Variants in AP3B2 observed in about 807,000 individuals in gnomAD.
The protein encoded by AP3B2 is AP-3 complex subunit beta-2.
In AP3B2, 50 loss-of-function variants were observed where a neutral mutation model predicts 126.9. The observed-to-expected ratio is 0.39, with a 90% CI of 0.31 to 0.50. The LOEUF (loss-of-function observed/expected upper bound fraction) is 0.50. Among genes scored for constraint, AP3B2 ranks in the 20% least tolerant of loss-of-function variants. The pLI is 0.79. For missense variants in AP3B2, 1,177 were observed against 1,426.4 expected (o/e 0.83, Z 2.82); for synonymous variants, 541 against 565.0 (o/e 0.96, Z 0.60).
chr15:82,677,818 A>G lies in AP3B2; in HGVS notation c.1246-15T>C. 6.3e-7 allele frequency: 1 copy of G among 1,578,368 alleles called. No homozygotes were observed. The highest frequency in any genetic ancestry group is 8.6e-7 in the Non-Finnish European group (1 of 1,160,092). ...CGAATATAGGTCTGTGGGATATGAC[A>G]AAGAAATCCCTCAGTGACTCTGCAG... On this transcript the variant is annotated splice_polypyrimidine_tract_variant and intron_variant, in intron 11 of 26. Transcript: ENST00000535359.
At chr15:82,685,534 G>C (rs972201907) in intron 4 of AP3B2, 3 of 152,214 alleles carry the variant, frequency 2.0e-5, no homozygotes, top group Non-Finnish European at 4.4e-5. Context: ...CTTTTAAACA[G>C]ATGGGTTAGA....
At chr15:82,675,443 A>C (rs2048228040) in intron 14 of AP3B2, among the ~76,000 whole-genome samples, 1 of 152,196 alleles carries the variant, frequency 6.6e-6, no homozygotes, top group Admixed American at 6.5e-5. Flanking sequence ...TGAAAAAGAT[A>C]AGTGCCACCA....
chr15:82,677,682 G>C lies in AP3B2; in HGVS notation c.1367C>G (p.Ser456Cys). 1.3e-6 allele frequency: 2 copies of C among 1,561,596 alleles called. No individual in the cohort carries two copies. Among genetic ancestry groups the C allele is most frequent in the Non-Finnish European group, 1.7e-6 (2 of 1,152,982 alleles). Residue 456 changes from serine (S) to cysteine (C), a missense_variant, in exon 12 of 27, where the codon TCC becomes TGC. Coordinates refer to ENST00000535359, the MANE Select transcript of AP3B2 (RefSeq NM_001278512.2). ...AGGGAAACACTGACCATCACGGTTG[G>C]ACAGCAGCTGCACCAGGCCATTGAG... ...TCLNGLVQLL[S>C]NRDELVVAES... is the part of the protein sequence containing the mutation.
chr15:82,683,029 A>G (rs2048367189), intron 4 of AP3B2, among the ~76,000 whole-genome samples: 2 of 142,214 alleles, frequency 1.4e-5, no homozygotes, highest in Admixed American at 7.2e-5. Context: ...AACAATGTTC[A>G]CAGCATCTGC....
chr15:82,684,322 T>C (rs115400443), intron 4 of AP3B2, among the ~76,000 whole-genome samples: 1 of 152,230 alleles, frequency 6.6e-6, no homozygotes, highest in South Asian at 2.1e-4. Context: ...TCAGCACTTT[T>C]GCTTCACCTT....
At chr15:82,682,046 C>A (rs1359668155) in intron 4 of AP3B2, among the ~76,000 whole-genome samples, 4 of 105,322 alleles carry the variant, frequency 3.8e-5, no homozygotes, top group African/African-American at 1.8e-4. Context: ...GTAGGCCCTT[C>A]CTTTTTTTTT....
intron 4 of AP3B2, among the ~76,000 whole-genome samples, chr15:82,683,047 G>GTTTTTTTTTTTTTTTTTTTT (rs61213011): frequency 2.6e-5 from 2 of 77,716 alleles, no homozygotes; most frequent in African/African-American, 4.5e-5. Flanking sequence ...TGCACCAGGA[G>GTTTTTTTTTTTTTTTTTTTT]TTTTTTTTTT....
chr15:82,674,596 C>T (rs571404894), intron 14 of AP3B2, among the ~76,000 whole-genome samples: 1 of 152,300 alleles, frequency 6.6e-6, no homozygotes, highest in East Asian at 1.9e-4. Flanking sequence ...GTTTCTCCTA[C>T]TTGGCTGTGA....
chr15:82,676,570 G>A lies in AP3B2; in HGVS notation c.1556C>T (p.Ala519Val). 1 of 1,613,978 alleles carries A rather than the reference G, an allele frequency of 6.2e-7. No individual in the cohort carries two copies. Among genetic ancestry groups the A allele is most frequent in the South Asian group, 1.1e-5 (1 of 91,076 alleles). ...GGCCATTTTTCTTAAGACATCAGGT[G>A]CAATCCTGGGGACATGCTCACAGTA... The part of the protein sequence containing the change: ...GEYCEHVPRI[A>V]PDVLRKMAKS... The change falls in exon 14 of 27, where the codon GCA becomes GTA. Residue 519 changes from alanine to valine, a missense_variant. Physicochemically the swap from Ala to Val is moderately conservative, Grantham distance 64. Coordinates refer to ENST00000535359, the MANE Select transcript of AP3B2 (RefSeq NM_001278512.2).
intron 4 of AP3B2, among the ~76,000 whole-genome samples, chr15:82,683,262 T>C (rs1036630147): frequency 5.3e-4 from 80 of 152,058 alleles, no homozygotes; most frequent in African/African-American, 1.7e-3. Context: ...TTTCACTGTG[T>C]TAGCCAGGAT....
chr15:82,699,350 G>A (rs1044542056), intron 1 of AP3B2: 7 of 269,304 alleles, frequency 2.6e-5, no homozygotes, highest in East Asian at 6.6e-5. Flanking sequence ...GTGGGGGCCT[G>A]TGGGGAGAAA....
At chr15:82,673,102 T>A (rs1232512602) in intron 14 of AP3B2, among the ~76,000 whole-genome samples, 1 of 152,250 alleles carries the variant, frequency 6.6e-6, no homozygotes. Flanking sequence ...ACTGAGAAAA[T>A]AAACGTGTGT....
At chr15:82,669,343 A>G (rs1232697259) in intron 14 of AP3B2, among the ~76,000 whole-genome samples, 1 of 152,230 alleles carries the variant, frequency 6.6e-6, no homozygotes, top group Non-Finnish European at 1.5e-5. Flanking sequence ...ATTCCACCAA[A>G]AAACTATTAG....
At position 82,678,042 on chromosome 15, in the gene AP3B2, C is replaced by A. The variant is rs931770709; in HGVS notation, c.1245+63G>T. ...GGGCTCATAAGAGGAGGTTTACCCA[C>A]CAGGGCACAAGGATCTGATGGGCCC... On this transcript the variant is annotated intron_variant, in intron 11 of 26. Coordinates refer to ENST00000535359, the MANE Select transcript of AP3B2 (RefSeq NM_001278512.2). The A allele has an allele frequency of 9.6e-6, 15 of 1,564,456 alleles. No homozygotes were observed. In the African/African-American group the frequency reaches 1.9e-4, roughly 20 times the overall value.
intron 15 of AP3B2, among the ~76,000 whole-genome samples, chr15:82,666,230 C>T (rs577888172): frequency 1.3e-5 from 2 of 152,308 alleles, no homozygotes; most frequent in African/African-American, 4.8e-5. Context: ...ATCTCAAGGC[C>T]GTTGTCTTGG....
chr15:82,698,140 C>A (rs574832498), intron 1 of AP3B2, among the ~76,000 whole-genome samples: 2 of 152,056 alleles, frequency 1.3e-5, no homozygotes, highest in Middle Eastern at 6.8e-3. Context: ...CTACACCTCA[C>A]GGACAGCTCA....
chr15:82,680,790 C>A lies in AP3B2; in HGVS notation c.772-35G>T, dbSNP rs1455878016. ...GAGACCGACGGGTCTGTGGGCGCCTCCCCGGGACACACTTCGGCCCGCTCT... is the reference window on the plus strand; with the variant it reads ...GAGACCGACGGGTCTGTGGGCGCCTACCCGGGACACACTTCGGCCCGCTCT... On this transcript the variant is annotated intron_variant, in intron 7 of 26. Coordinates refer to ENST00000535359, the MANE Select transcript of AP3B2 (RefSeq NM_001278512.2). The surrounding 1 kb of genome is among the most constrained non-coding windows in gnomAD (Gnocchi z 6.1). The A allele has an allele frequency of 6.2e-7, 1 of 1,607,500 alleles. No individual in the cohort carries two copies. Among genetic ancestry groups the A allele is most frequent in the South Asian group, 1.1e-5 (1 of 90,354 alleles).
At chr15:82,683,194 G>C (rs1217191398) in intron 4 of AP3B2, among the ~76,000 whole-genome samples, 3 of 149,712 alleles carry the variant, frequency 2.0e-5, no homozygotes, top group African/African-American at 7.4e-5. Context: ...GAGTAGCTGG[G>C]ACTACAGGTG....
intron 3 of AP3B2, 25 bp downstream of exon 3, chr15:82,689,133 C>A: frequency 6.2e-7 from 1 of 1,613,184 alleles, no homozygotes; most frequent in Non-Finnish European, 8.5e-7. Flanking sequence ...TGGGGACAAG[C>A]AATCCCTCAC....
Sources: gnomAD v4.1 joint callset for allele counts (sites outside exome capture counted in the v4.1 genomes callset) on GRCh38, gnomAD v4.1.1 for gene constraint, Gnocchi (gnomAD v3.1) non-coding constraint, MANE v1.5 for transcripts, NCBI Gene and HGNC (gene_info 2026-07-23, HGNC 2026-07-21) for gene names.